Variants in TRMT2B observed in about 807,000 individuals in gnomAD.
The protein encoded by TRMT2B is tRNA (uracil-5-)-methyltransferase homolog B.
In TRMT2B, 34 loss-of-function variants were observed where a neutral mutation model predicts 39.7. The ratio of observed to expected loss-of-function variants is 0.86; its 90% CI spans 0.65 to 1.14. The LOEUF is 1.14. Ranked by LOEUF, TRMT2B falls within the 50% of genes most tolerant of loss-of-function variation. The probability of loss-of-function intolerance (pLI) is 0.00; values close to 1 mark genes in which losing one functional copy is unlikely to be tolerated. For missense variants in TRMT2B, 318 were observed against 377.2 expected (o/e 0.84, Z 1.30); for synonymous variants, 132 against 137.3 (o/e 0.96, Z 0.27).
At chrX:101,001,493 C>T in the TRMT2B span, among the ~76,000 whole-genome samples, 1 of 110,617 alleles carries the variant, frequency 9.0e-6, no homozygotes, top group African/African-American at 3.3e-5. Flanking sequence ...ACCTCAGCCT[C>T]CCAATGTGCT....
At chrX:101,040,452 C>G (rs912638009) in intron 4 of TRMT2B, among the ~76,000 whole-genome samples, 4 of 111,028 alleles carry the variant, frequency 3.6e-5, no homozygotes, top group Non-Finnish European at 5.7e-5. Context: ...GTTTGAGGTG[C>G]GTGCATGCAT....
the TRMT2B span, among the ~76,000 whole-genome samples, chrX:100,975,631 CTTT>C: frequency 2.0e-5 from 2 of 97,930 alleles, no homozygotes; most frequent in Admixed American, 1.1e-4. Context: ...ATTTTCTTTG[CTTT>C]TTTTTTTTTT....
At chrX:101,030,447 C>A (rs2087377295) in intron 7 of TRMT2B, among the ~76,000 whole-genome samples, 1 of 50,523 alleles carries the variant, frequency 2.0e-5, no homozygotes, top group Non-Finnish European at 3.7e-5. Flanking sequence ...CTATATAGAT[C>A]TGCATTCTTT....
At chrX:101,018,940 C>T (rs759639256) in intron 13 of TRMT2B, 31 bp downstream of exon 13, 1 of 1,031,493 alleles carries the variant, frequency 9.7e-7, no homozygotes, top group African/African-American at 1.8e-5. Context: ...ATAATCAGAA[C>T]AAAAAATTTT....
chrX:101,042,534 GA>G (rs762471370), intron 2 of TRMT2B, among the ~76,000 whole-genome samples: 1 of 111,811 alleles, frequency 8.9e-6, no homozygotes, highest in African/African-American at 3.2e-5. Flanking sequence ...TGTCCTCCAG[GA>G]AAGAGTTCAA....
At chrX:101,045,245 G>A (rs5967234) in intron 2 of TRMT2B, among the ~76,000 whole-genome samples, 4,506 of 106,024 alleles carry the variant, frequency 0.042, 254 homozygotes, top group African/African-American at 0.15. Context: ...ACCTGAGGTC[G>A]GGAGTTCAAG....
At chrX:101,018,442 C>CTT (rs1171655035) in intron 13 of TRMT2B, among the ~76,000 whole-genome samples, 5 of 100,317 alleles carry the variant, frequency 5.0e-5, no homozygotes, top group Non-Finnish European at 8.2e-5. Flanking sequence ...ATTTTTAACA[C>CTT]TTTTTTTTTT....
At chrX:100,982,782 A>G in the TRMT2B span, among the ~76,000 whole-genome samples, 1 of 109,218 alleles carries the variant, frequency 9.2e-6, no homozygotes, top group African/African-American at 3.3e-5. Flanking sequence ...CAGGCTTCCA[A>G]GTAGCTGGGA....
intron 4 of TRMT2B, among the ~76,000 whole-genome samples, chrX:101,040,728 T>C (rs1028794792): frequency 4.5e-5 from 5 of 111,717 alleles, no homozygotes; most frequent in Non-Finnish European, 9.4e-5. Context: ...CACAGCTACA[T>C]GTGAAACAGC....
chrX:100,974,232 T>TCTC, the TRMT2B span: 2 of 1,037,589 alleles, frequency 1.9e-6, no homozygotes, highest in Non-Finnish European at 1.3e-6. Context: ...CTGGCGTGGG[T>TCTC]CTCCCATGGA....
At chrX:101,001,099 A>G in the TRMT2B span, among the ~76,000 whole-genome samples, 3 of 110,928 alleles carry the variant, frequency 2.7e-5, no homozygotes, top group African/African-American at 9.8e-5. Context: ...TTTGACAGGT[A>G]AATCTTGACT....
At chrX:100,981,091 T>C in the TRMT2B span, among the ~76,000 whole-genome samples, 1 of 111,682 alleles carries the variant, frequency 9.0e-6, no homozygotes, top group African/African-American at 3.3e-5. Context: ...CTCACTAGGT[T>C]GCATGCCCCC....
chrX:100,990,624 A>G, the TRMT2B span: 2 of 1,120,752 alleles, frequency 1.8e-6, no homozygotes, highest in East Asian at 6.6e-5. Context: ...TCCATTGAGA[A>G]TGAAGACCAC....
chrX:101,014,088 CG>C (rs1271536461), intron 13 of TRMT2B, among the ~76,000 whole-genome samples: 3 of 110,212 alleles, frequency 2.7e-5, no homozygotes, highest in African/African-American at 9.9e-5. Context: ...CTCCATCCCC[CG>C]CAAAAAAAAG....
Position 101,051,254 on chromosome X carries a change from C to T in TRMT2B, c.-27G>A, listed in dbSNP as rs747600569. ...GAGACTATGTGGTAGGTCTCACCTG[C>T]GCAGGGCCAAGGATCCCTTTTGGAG... On this transcript the variant is annotated 5_prime_UTR_variant, in exon 2 of 14. Coordinates refer to ENST00000372936, the MANE Select transcript of TRMT2B (RefSeq NM_024917.6). The T allele has an allele frequency of 6.5e-5, 49 of 750,285 alleles. 1 individual carries two copies. Among genetic ancestry groups the T allele is most frequent in the South Asian group, 4.1e-4 (6 of 14,522 alleles). The allele number at this position is 750,285 out of a possible 1,213,427, so 61.8% of individuals were successfully genotyped here.
At chrX:101,018,864 A>C (rs963121284) in intron 13 of TRMT2B, 107 bp downstream of exon 13, 4 of 566,013 alleles carry the variant, frequency 7.1e-6, no homozygotes, top group Non-Finnish European at 1.2e-5. Context: ...GTTTCTTTAC[A>C]CTTCTAATGA....
chrX:100,990,690 G>A, the TRMT2B span: 11 of 883,401 alleles, frequency 1.2e-5, no homozygotes, highest in South Asian at 2.3e-4. Flanking sequence ...TGCTGACAAA[G>A]CTTGTGGACA....
At chrX:101,020,415 C>T in intron 11 of TRMT2B, 72 bp downstream of exon 11, 5 of 930,672 alleles carry the variant, frequency 5.4e-6, no homozygotes, top group Non-Finnish European at 6.2e-6. Context: ...GTTGCCTTTT[C>T]CCACACAACT....
chrX:101,013,793 A>G (rs1316759519), intron 13 of TRMT2B: 1 of 110,993 alleles, frequency 9.0e-6, no homozygotes, highest in African/African-American at 3.3e-5. Context: ...GATCCCATTC[A>G]TAATAAAAAG....
Sources: allele counts gnomAD v4.1 joint callset (sites outside exome capture counted in the v4.1 genomes callset), GRCh38; gene constraint gnomAD v4.1.1; transcripts MANE v1.5; gene names NCBI Gene and HGNC (gene_info 2026-07-23, HGNC 2026-07-21).